Variants in SNAPC4 observed in about 807,000 individuals in gnomAD.
SNAPC4 encodes the protein small nuclear RNA activating complex polypeptide 4.
SNAPC4 carries 127 observed loss-of-function variants against 151.3 expected under a neutral mutation model. That is an observed-to-expected ratio of 0.84 (90% confidence interval 0.73 to 0.97). The LOEUF (loss-of-function observed/expected upper bound fraction) is 0.97. Ranked by LOEUF, SNAPC4 falls within the 50% of genes least tolerant of loss-of-function variation. The pLI, the probability that SNAPC4 is intolerant of heterozygous loss-of-function variation, is 0.00. For missense variants in SNAPC4, 2,186 were observed against 1,935.0 expected (o/e 1.13, Z -2.43); for synonymous variants, 1,002 against 824.4 (o/e 1.22, Z -3.69).
rs1332279118 is a variant in SNAPC4 at position 136,375,652 on chromosome 9, C to T, written c.*156G>A. On this transcript the variant is annotated 3_prime_UTR_variant, in exon 24 of 24. Transcript: ENST00000684778. Reference sequence around the variant, plus strand: ...TGGGGAACAGCCATGCTCCATGCCACACAGTCAGTCGGCAGGCCCGCCTCT... The same window carrying T: ...TGGGGAACAGCCATGCTCCATGCCATACAGTCAGTCGGCAGGCCCGCCTCT... 6.6e-6 allele frequency: 1 copy of T among 152,386 alleles called. No individual in the cohort carries two copies. The highest frequency in any genetic ancestry group is 1.5e-5 in the Non-Finnish European group (1 of 68,104). 9.4% of individuals were successfully genotyped at this position (152,386 alleles called of 1,614,324 possible). A position where few individuals can be genotyped will look rare whatever the true frequency, so the allele number is the denominator to read the frequency against.
intron 18 of SNAPC4, 145 bp downstream of exon 18, chr9:136,381,679 G>T: frequency 1.0e-6 from 1 of 1,004,122 alleles, no homozygotes; most frequent in Non-Finnish European, 1.5e-6. Flanking sequence ...TCAGGGACGG[G>T]AAGCTGACCA....
rs199847101 is a variant in SNAPC4 at position 136,383,620 on chromosome 9, G to C, written c.1549C>G (p.Arg517Gly). ...CCGCTGCTGCTGGTAGAGCTCCACCGGACGCTGTGACGGGCCCTCCGCCGC... is the reference window on the plus strand; with the variant it reads ...CCGCTGCTGCTGGTAGAGCTCCACCCGACGCTGTGACGGGCCCTCCGCCGC... Reference protein sequence around the residue: ...RRRRRARHSVRWSSTSSSGSS... With the variant: ...RRRRRARHSVGWSSTSSSGSS... Residue 517 changes from arginine (R) to glycine (G), a missense_variant, in exon 16 of 24, where the codon CGG (arginine) becomes GGG (glycine). By Grantham distance (125) the Arg-to-Gly change is moderately radical. Coordinates refer to ENST00000684778, the MANE Select transcript of SNAPC4 (RefSeq NM_003086.4). This position sits in a 1 kb window ranked among gnomAD's most constrained non-coding sequence, Gnocchi z 4.2. 6 of 1,611,538 alleles carry C rather than the reference G, an allele frequency of 3.7e-6. No individual in the cohort carries two copies. The highest frequency in any genetic ancestry group is 5.1e-6 in the Non-Finnish European group (6 of 1,179,262).
intron 19 of SNAPC4, 45 bp downstream of exon 19, chr9:136,381,277 T>A: frequency 6.5e-7 from 1 of 1,526,742 alleles, no homozygotes; most frequent in East Asian, 2.3e-5. Flanking sequence ...CACCAAAAAC[T>A]TTTTACAAGG....
Position 136,383,733 on chromosome 9 carries a change from C to CA in SNAPC4, c.1501-66dup, listed in dbSNP as rs368116567. 5.2e-4 allele frequency: 811 copies of CA among 1,548,412 alleles called. 1 individual carries two copies. In the African/African-American group the frequency reaches 9.6e-3, roughly 18 times the overall value. On this transcript the variant is annotated intron_variant, in intron 15 of 23. Transcript: ENST00000684778. This position sits in a 1 kb window ranked among gnomAD's most constrained non-coding sequence, Gnocchi z 4.2. ...CCGGTTCACCCATGATGGCAGCAAG[C>CA]AGGCCAGCCCTTTGGGGAGAGGCCC...
Position 136,379,115 on chromosome 9 carries a change from C to CT in SNAPC4, c.2711dup (p.Ala905GlyfsTer135). ...CCCGGGTGGCCTCCCTGGCACGGGC[C>CT]TCCTGAAGCCGCTTCTCCTGAAGCA... On this transcript the variant is annotated frameshift_variant, in exon 22 of 24. Coordinates refer to ENST00000684778, the MANE Select transcript of SNAPC4 (RefSeq NM_003086.4). LOFTEE classifies it high-confidence loss of function. The CT allele has an allele frequency of 6.4e-7, 1 of 1,561,176 alleles. No homozygotes were observed. The highest frequency in any genetic ancestry group is 1.2e-5 in the South Asian group (1 of 85,222).
rs1834197859 is a variant in SNAPC4 at position 136,394,695 on chromosome 9, C to T, written c.550+105G>A. The T allele has an allele frequency of 8.8e-6, 9 of 1,025,968 alleles. No homozygotes were observed. In the South Asian group the frequency reaches 1.1e-4, roughly 13 times the overall value. The allele number at this position is 1,025,968 out of a possible 1,614,324, so 63.6% of individuals were successfully genotyped here. On this transcript the variant is annotated intron_variant, in intron 6 of 23. Coordinates refer to ENST00000684778, the MANE Select transcript of SNAPC4 (RefSeq NM_003086.4). ...TCAAGGCCTGAAGGAGCCATGAGGT[C>T]ACAACAGAGAGAGGTCTGAGAACTT...
chr9:136,391,295 T>TG (rs1263208734), intron 10 of SNAPC4, among the ~76,000 whole-genome samples: 1 of 152,098 alleles, frequency 6.6e-6, no homozygotes. Context: ...ATTTGAAAAA[T>TG]GGAGATTTTA....
In SNAPC4 at chr9:136,392,001, G is replaced by A. The variant is rs1364967412; in HGVS notation, c.916C>T (p.Gln306Ter). The change falls in exon 10 of 24, where the codon CAG becomes TAG. Residue 306 changes from glutamine to a stop codon, truncating the protein, a stop_gained. Coordinates refer to ENST00000684778, the MANE Select transcript of SNAPC4 (RefSeq NM_003086.4). LOFTEE classifies it high-confidence loss of function. ...EWSREEEERL[Q>*]AIAAAHGHLE... Reference sequence around the variant, plus strand: ...TGGCCGTGTGCAGCCGCGATCGCCTGCAGCCGCTCCTCCTCCTCCCTGCTC... The same window carrying A: ...TGGCCGTGTGCAGCCGCGATCGCCTACAGCCGCTCCTCCTCCTCCCTGCTC... The A allele has an allele frequency of 6.2e-7, 1 of 1,610,328 alleles. No homozygotes were observed. The highest frequency in any genetic ancestry group is 1.1e-5 in the South Asian group (1 of 91,066).
Position 136,395,356 on chromosome 9 carries a change from G to A in SNAPC4, c.413C>T (p.Pro138Leu), listed in dbSNP as rs772761429. ...CATGAAGTGCCCCATGTATGTGCTTGGGGGCAGGCTTTTGCCATCTTTCAC... is the reference window on the plus strand; with the variant it reads ...CATGAAGTGCCCCATGTATGTGCTTAGGGGCAGGCTTTTGCCATCTTTCAC... ...TKVKDGKSLP[P>L]STYMGHFMKP... is the part of the protein sequence containing the mutation. The change falls in exon 5 of 24, where the codon CCA becomes CTA. Residue 138 changes from proline (P) to leucine (L), a missense_variant. Transcript: ENST00000684778. 1.2e-5 allele frequency: 19 copies of A among 1,613,618 alleles called. No individual in the cohort carries two copies. In the South Asian group the frequency reaches 1.9e-4, roughly 16 times the overall value.
intron 7 of SNAPC4, 107 bp from the exon 8 acceptor site, chr9:136,392,884 A>G (rs1159687904): frequency 5.5e-6 from 5 of 908,414 alleles, no homozygotes; most frequent in Non-Finnish European, 8.6e-6. Flanking sequence ...AGAGATTCCG[A>G]GCCTCCCTCA....
rs1034486771 is a variant in SNAPC4 at position 136,395,415 on chromosome 9, G to A, written c.354C>T (p.Leu118=). 3 of 1,612,896 alleles carry A rather than the reference G, an allele frequency of 1.9e-6. No homozygotes were observed. Among genetic ancestry groups the A allele is most frequent in the Non-Finnish European group, 2.5e-6 (3 of 1,179,696 alleles). The change falls in exon 5 of 24, where the codon CTC becomes CTT. Residue 118 remains leucine (L), a synonymous_variant. Coordinates refer to ENST00000684778, the MANE Select transcript of SNAPC4 (RefSeq NM_003086.4). Reference sequence around the variant, plus strand: ...CTTTGGACCCAGCCAGATCCCTCATGAGTTCCTCCTGTGACAGACACAAGG... The same window carrying A: ...CTTTGGACCCAGCCAGATCCCTCATAAGTTCCTCCTGTGACAGACACAAGG... ...LAQNREQQEE[L]MRDLAGSKGT...
intron 9 of SNAPC4, 121 bp from the exon 10 acceptor site, chr9:136,392,227 A>G: frequency 6.3e-6 from 8 of 1,274,126 alleles, no homozygotes; most frequent in Non-Finnish European, 7.8e-6. Flanking sequence ...AAGTAAGCGC[A>G]ATCTTCGTCC....
At chr9:136,394,750 G>A in intron 6 of SNAPC4, 50 bp downstream of exon 6, 1 of 1,513,052 alleles carries the variant, frequency 6.6e-7, no homozygotes, top group East Asian at 2.3e-5. Flanking sequence ...GAGGGCCATG[G>A]GGAGGTGTCC....
At chr9:136,381,469 G>T in intron 18 of SNAPC4, 77 bp from the exon 19 acceptor site, 1 of 1,320,242 alleles carries the variant, frequency 7.6e-7, no homozygotes, top group Non-Finnish European at 1.1e-6. Context: ...AGCAGCCCCA[G>T]CTCCCACGTG....
rs1469558509 is a variant in SNAPC4 at position 136,383,875 on chromosome 9, CCCT to C, written c.1500+75_1500+77del. On this transcript the variant is annotated intron_variant, in intron 15 of 23. Transcript: ENST00000684778. The surrounding 1 kb of genome is among the most constrained non-coding windows in gnomAD (Gnocchi z 4.2). ...AGAAACCGAACGCCCCCCTCCCCTC[CCCT>C]CCTCCTGCCTGCTGGACCCCCCAGT... is the stretch of plus-strand genomic sequence containing the variant. 7.1e-7 allele frequency: 1 copy of C among 1,406,468 alleles called. No individual in the cohort carries two copies. Among genetic ancestry groups the C allele is most frequent in the East Asian group, 2.3e-5 (1 of 43,498 alleles). 87.1% of individuals were successfully genotyped at this position (1,406,468 alleles called of 1,614,324 possible). A position where few individuals can be genotyped will look rare whatever the true frequency, so the allele number is the denominator to read the frequency against.
At position 136,394,232 on chromosome 9, in the gene SNAPC4, TA is replaced by T; in HGVS notation, c.632+16del. On this transcript the variant is annotated intron_variant, in intron 7 of 23. Coordinates refer to ENST00000684778, the MANE Select transcript of SNAPC4 (RefSeq NM_003086.4). Reference sequence around the variant, plus strand: ...CCCAGCCTGAAGACCGTTTTTGACTTATGGTTTTAGACTTACTTCAGTAACT... The same window carrying T: ...CCCAGCCTGAAGACCGTTTTTGACTTTGGTTTTAGACTTACTTCAGTAACT... 2 of 1,605,384 alleles carry T rather than the reference TA, an allele frequency of 1.2e-6. No individual in the cohort carries two copies. The highest frequency in any genetic ancestry group is 1.7e-6 in the Non-Finnish European group (2 of 1,172,326).
At position 136,377,667 on chromosome 9, in the gene SNAPC4, C is replaced by T. The variant is rs144278746; in HGVS notation, c.4160G>A (p.Arg1387His). 95 of 1,606,184 alleles carry T rather than the reference C, an allele frequency of 5.9e-5. No individual in the cohort carries two copies. The highest frequency in any genetic ancestry group is 2.5e-4 in the South Asian group (23 of 90,374). ...CCTCGAAGGTACTGAGAGGGTGGTG[C>T]GGACGCCTTGGGGGGCCAGGGTGGC... ...LLATLAPQGV[R>H]TTLSVPSRVG... Residue 1387 changes from arginine (R) to histidine (H), a missense_variant, in exon 22 of 24, where the codon CGC becomes CAC. Coordinates refer to ENST00000684778, the MANE Select transcript of SNAPC4 (RefSeq NM_003086.4).
intron 22 of SNAPC4, among the ~76,000 whole-genome samples, chr9:136,376,811 C>T (rs1271734205): frequency 1.1e-4 from 17 of 152,222 alleles, no homozygotes; most frequent in Admixed American, 1.1e-3. Context: ...TCCTCCCCAA[C>T]TCTTGGACAT....
intron 19 of SNAPC4, 123 bp from the exon 20 acceptor site, chr9:136,380,973 T>TC (rs1356156711): frequency 1.6e-6 from 1 of 628,080 alleles, no homozygotes; most frequent in Admixed American, 2.7e-5. Context: ...ACCTCAGCCT[T>TC]CCTGCCCTTC....
Sources: gnomAD v4.1 joint callset for allele counts (sites outside exome capture counted in the v4.1 genomes callset) on GRCh38, gnomAD v4.1.1 for gene constraint, Gnocchi (gnomAD v3.1) non-coding constraint, MANE v1.5 for transcripts, NCBI Gene and HGNC (gene_info 2026-07-23, HGNC 2026-07-21) for gene names.